The following ACTR3C variants were observed in gnomAD, a reference collection of about 807,000 sequenced individuals.
The protein encoded by ACTR3C is actin related protein 3C.
A neutral mutation model predicts 26.3 loss-of-function variants in ACTR3C; 18 were observed. The ratio of observed to expected loss-of-function variants is 0.68; its 90% CI spans 0.47 to 1.01. The LOEUF (loss-of-function observed/expected upper bound fraction) is 1.01. Ranked by LOEUF, ACTR3C falls within the 50% of genes least tolerant of loss-of-function variation. The pLI is 0.00. For synonymous variants in ACTR3C, 55 were observed against 94.5 expected (o/e 0.58, Z 2.42); for missense variants, 184 against 250.7 (o/e 0.73, Z 1.80).
the ACTR3C span, among the ~76,000 whole-genome samples, chr7:150,068,794 A>C: frequency 5.8e-3 from 880 of 150,906 alleles, 5 homozygotes; most frequent in Non-Finnish European, 9.7e-3. Flanking sequence ...AAAAAAAAAA[A>C]AAAAAAAACC....
At chr7:149,980,661 A>C in the ACTR3C span, among the ~76,000 whole-genome samples, 1 of 152,246 alleles carries the variant, frequency 6.6e-6, no homozygotes, top group Non-Finnish European at 1.5e-5. Flanking sequence ...AATTTAAATA[A>C]AGCAGAAAAC....
the ACTR3C span, among the ~76,000 whole-genome samples, chr7:150,012,317 C>CTTTTTTTTT: frequency 2.5e-4 from 33 of 131,272 alleles, 10 homozygotes; most frequent in East Asian, 9.3e-4. Context: ...ATAAATGCAT[C>CTTTTTTTTT]TTTTTTTTTT....
At chr7:150,135,311 G>A in the ACTR3C span, among the ~76,000 whole-genome samples, 1 of 152,188 alleles carries the variant, frequency 6.6e-6, no homozygotes, top group Non-Finnish European at 1.5e-5. Context: ...AAGAATTAGT[G>A]CATGGAGAAT....
At chr7:149,997,124 C>T in the ACTR3C span, among the ~76,000 whole-genome samples, 1 of 147,436 alleles carries the variant, frequency 6.8e-6, no homozygotes, top group African/African-American at 2.5e-5. Context: ...ACTCCTCAGC[C>T]ACGATGGACT....
chr7:150,035,159 A>T, the ACTR3C span, among the ~76,000 whole-genome samples: 6 of 135,966 alleles, frequency 4.4e-5, no homozygotes, highest in East Asian at 1.1e-3. Flanking sequence ...GGGGGTCCTA[A>T]GCCAGGGGGG....
chr7:150,068,807 A>C, the ACTR3C span, among the ~76,000 whole-genome samples: 59,089 of 142,328 alleles, frequency 0.42, 12,745 homozygotes, highest in East Asian at 0.65. Context: ...AAAAAACCAA[A>C]AAAAGGAAAA....
intron 5 of ACTR3C, 58 bp from the exon 6 acceptor site, chr7:150,284,903 T>C (rs1835649527): frequency 1.3e-6 from 2 of 1,491,926 alleles, no homozygotes; most frequent in African/African-American, 1.4e-5. Context: ...TAGAACAACA[T>C]GAACACTCCT....
the ACTR3C span, among the ~76,000 whole-genome samples, chr7:150,194,815 G>A: frequency 2.0e-5 from 3 of 151,868 alleles, no homozygotes; most frequent in East Asian, 1.9e-4. Flanking sequence ...TTCTCCCAGC[G>A]GGACGTGGTG....
chr7:149,882,611 C>A, the ACTR3C span, among the ~76,000 whole-genome samples: 1 of 152,236 alleles, frequency 6.6e-6, no homozygotes, highest in African/African-American at 2.4e-5. Flanking sequence ...CCGTGTTCCT[C>A]CCAGAGGCTT....
chr7:150,019,189 G>A, the ACTR3C span, among the ~76,000 whole-genome samples: 3 of 150,250 alleles, frequency 2.0e-5, no homozygotes, highest in African/African-American at 7.5e-5. Flanking sequence ...AATTTACAGA[G>A]AGTTGAGATC....
chr7:150,274,691 C>T lies in ACTR3C; in HGVS notation c.564+10062G>A, dbSNP rs1297358390. ...TGAGTGCAGTCACGATGCTAGGAAG[C>T]GGCTCAGCCCACGTGGAGACCCACG... On this transcript the variant is annotated intron_variant, in intron 6 of 7. Coordinates refer to ENST00000683684, the MANE Select transcript of ACTR3C (RefSeq NM_001164458.2). This position sits in a 1 kb window ranked among gnomAD's most constrained non-coding sequence, Gnocchi z 4.1. Among the ~76,000 whole-genome samples the T allele has an allele frequency of 4.6e-5, 7 of 152,230 alleles. No homozygotes were observed. Among genetic ancestry groups the T allele is most frequent in the African/African-American group, 9.6e-5 (4 of 41,454 alleles).
the ACTR3C span, among the ~76,000 whole-genome samples, chr7:150,024,850 T>C: frequency 0.25 from 35,869 of 146,216 alleles, 3,605 homozygotes; most frequent in East Asian, 0.42. Flanking sequence ...GCATTACAAA[T>C]GCACAATCAG....
At chr7:149,909,280 GA>G in the ACTR3C span, among the ~76,000 whole-genome samples, 1 of 116,186 alleles carries the variant, frequency 8.6e-6, no homozygotes, top group Non-Finnish European at 1.8e-5. Context: ...AAAAAAAAAA[GA>G]ATCTTTCAAT....
the ACTR3C span, among the ~76,000 whole-genome samples, chr7:150,137,110 C>G: frequency 2.0e-5 from 3 of 152,220 alleles, no homozygotes; most frequent in Non-Finnish European, 4.4e-5. Flanking sequence ...TGCTGCTCAC[C>G]TCCTGTGCAG....
chr7:150,064,126 T>A, the ACTR3C span, among the ~76,000 whole-genome samples: 1 of 151,998 alleles, frequency 6.6e-6, no homozygotes, highest in Non-Finnish European at 1.5e-5. Context: ...GCTCCTTCTG[T>A]ATCTCAGTTG....
the ACTR3C span, among the ~76,000 whole-genome samples, chr7:150,106,956 G>C: frequency 6.8e-6 from 1 of 146,096 alleles, no homozygotes. Flanking sequence ...ACTCAAGCAA[G>C]GGTAGAGGAA....
At chr7:150,176,527 C>T in the ACTR3C span, among the ~76,000 whole-genome samples, 2 of 150,936 alleles carry the variant, frequency 1.3e-5, no homozygotes, top group East Asian at 3.8e-4. Context: ...ATCATGTTTT[C>T]AATATTCTTT....
chr7:150,197,195 C>T, the ACTR3C span, among the ~76,000 whole-genome samples: 1 of 152,174 alleles, frequency 6.6e-6, no homozygotes, highest in African/African-American at 2.4e-5. Context: ...CTGCACTCTT[C>T]CCAGGCTTCC....
chr7:150,020,686 T>C, the ACTR3C span, among the ~76,000 whole-genome samples: 2 of 151,964 alleles, frequency 1.3e-5, no homozygotes, highest in Non-Finnish European at 2.9e-5. Flanking sequence ...TGTCCCCATT[T>C]TCTTTTCATT....
Sources: allele counts gnomAD v4.1 joint callset (sites outside exome capture counted in the v4.1 genomes callset), GRCh38; gene constraint gnomAD v4.1.1; non-coding constraint Gnocchi (gnomAD v3.1); transcripts MANE v1.5; gene names NCBI Gene and HGNC (gene_info 2026-07-23, HGNC 2026-07-21).